Variants in ZBTB46 observed in about 807,000 individuals in gnomAD.
ZBTB46 encodes the protein zinc finger and BTB domain-containing protein 46.
In ZBTB46, 8 loss-of-function variants were observed where a neutral mutation model predicts 44.1. That is an observed-to-expected ratio of 0.18 (90% CI 0.11 to 0.33). ZBTB46 has a LOEUF of 0.33. Ranked by LOEUF, ZBTB46 falls within the 10% of genes least tolerant of loss-of-function variation. The pLI is 1.00. For synonymous variants in ZBTB46, 409 were observed against 382.3 expected (o/e 1.07, Z -0.81); for missense variants, 651 against 847.7 (o/e 0.77, Z 2.88).
intron 1 of ZBTB46, among the ~76,000 whole-genome samples, chr20:63,826,026 G>A (rs190017656): frequency 2.6e-5 from 4 of 152,342 alleles, no homozygotes; most frequent in African/African-American, 4.8e-5. Flanking sequence ...CCCTCTGCAC[G>A]TAGCCCAAGG....
Position 63,812,869 on chromosome 20 carries a change from G to C in ZBTB46, c.-34+18228C>G, listed in dbSNP as rs116856933. 7.0e-3 allele frequency among the ~76,000 whole-genome samples: 1,061 copies of C among 152,282 alleles called. 30 individuals carry two copies. Among genetic ancestry groups the C allele is most frequent in the Admixed American group, 0.054 (819 of 15,292 alleles). ...CCAATACTTTGAGAGGCCAAGGCAG[G>C]TGGATCATGAGGTCAAGACATTGAC... On this transcript the variant is annotated intron_variant, in intron 1 of 4. Transcript: ENST00000245663.
intron 1 of ZBTB46, among the ~76,000 whole-genome samples, chr20:63,801,491 C>A (rs2092644376): frequency 6.6e-6 from 1 of 152,276 alleles, no homozygotes; most frequent in African/African-American, 2.4e-5. Flanking sequence ...TAAGAGCAGG[C>A]TGCCCCAACC....
At chr20:63,782,901 A>C (rs2092482301) in intron 2 of ZBTB46, among the ~76,000 whole-genome samples, 1 of 152,148 alleles carries the variant, frequency 6.6e-6, no homozygotes, top group South Asian at 2.1e-4. Flanking sequence ...CAGGAGTTTG[A>C]GACTGGCCTG....
intron 1 of ZBTB46, chr20:63,808,010 C>T (rs1473865350): frequency 6.6e-6 from 1 of 152,374 alleles, no homozygotes; most frequent in Non-Finnish European, 1.5e-5. Context: ...CTCACGGAAG[C>T]TGAACGGACC....
intron 1 of ZBTB46, among the ~76,000 whole-genome samples, chr20:63,791,297 C>T (rs1601478947): frequency 6.6e-6 from 1 of 152,042 alleles, no homozygotes; most frequent in East Asian, 1.9e-4. Context: ...AGATCGAGAC[C>T]ATCCTGGCCA....
rs571697684 is a variant in ZBTB46, at chr20:63,782,081, C to T, written c.938-6119G>A. On this transcript the variant is annotated intron_variant, in intron 2 of 4. Transcript: ENST00000245663. Reference sequence around the variant, plus strand: ...AGGCCTGGGTGAAAGAGCAAGACTCCGTCTCAAAAAAAAAAAAAAGAAAAG... The same window carrying T: ...AGGCCTGGGTGAAAGAGCAAGACTCTGTCTCAAAAAAAAAAAAAAGAAAAG... Among the ~76,000 whole-genome samples the T allele has an allele frequency of 8.4e-5, 3 of 35,698 alleles. No homozygotes were observed. The East Asian group carries it at 2.6e-3, about 31-fold the overall frequency. The allele number at this position is 35,698 out of a possible 152,430, so 23.4% of individuals were successfully genotyped here. A position where few individuals can be genotyped will look rare whatever the true frequency, so the allele number is the denominator to read the frequency against.
intron 2 of ZBTB46, among the ~76,000 whole-genome samples, chr20:63,780,342 A>G (rs955829092): frequency 6.6e-6 from 1 of 152,214 alleles, no homozygotes; most frequent in African/African-American, 2.4e-5. Flanking sequence ...AGGTAACTCA[A>G]TGGATAAAAG....
chr20:63,781,821 C>T (rs1445123766), intron 2 of ZBTB46, among the ~76,000 whole-genome samples: 2 of 151,286 alleles, frequency 1.3e-5, no homozygotes, highest in Non-Finnish European at 2.9e-5. Flanking sequence ...CGCGGTGGCT[C>T]ACGCCTGTAA....
chr20:63,747,083 C>T lies in ZBTB46; in HGVS notation c.1617G>A (p.Glu539=). 6.2e-7 allele frequency: 1 copy of T among 1,609,366 alleles called. No individual in the cohort carries two copies. The highest frequency in any genetic ancestry group is 8.5e-7 in the Non-Finnish European group (1 of 1,179,524). The change falls in exon 5 of 5, where the codon GAG becomes GAA. Residue 539 remains glutamate (E), a synonymous_variant. Transcript: ENST00000245663. ...PGDGPYLEDP[E]DPRGEAEELG... is the part of the protein sequence containing the mutation. Reference sequence around the variant, plus strand: ...GCTCCTCCGCCTCCCCTCGTGGGTCCTCAGGGTCCTCCAGATAGGGCCCGT... The same window carrying T: ...GCTCCTCCGCCTCCCCTCGTGGGTCTTCAGGGTCCTCCAGATAGGGCCCGT...
chr20:63,764,600 T>TC (rs1491485791), intron 3 of ZBTB46, among the ~76,000 whole-genome samples: 1 of 132,438 alleles, frequency 7.6e-6, no homozygotes, highest in African/African-American at 3.2e-5. Flanking sequence ...AAGCATTTTT[T>TC]CTCTGTTTTT....
chr20:63,806,784 TTTTGG>T, intron 1 of ZBTB46, among the ~76,000 whole-genome samples: 1 of 149,348 alleles, frequency 6.7e-6, no homozygotes, highest in East Asian at 2.0e-4. Flanking sequence ...AATTGTTTTG[TTTTGG>T]TTTTTTTTTT....
intron 1 of ZBTB46, among the ~76,000 whole-genome samples, chr20:63,795,183 C>T (rs4809228): frequency 2.8e-4 from 42 of 152,346 alleles, no homozygotes; most frequent in Non-Finnish European, 4.9e-4. Context: ...TTATATATCA[C>T]GAATCTCAAG....
At chr20:63,749,382 G>C (rs190910351) in intron 4 of ZBTB46, among the ~76,000 whole-genome samples, 1 of 152,220 alleles carries the variant, frequency 6.6e-6, no homozygotes, top group Non-Finnish European at 1.5e-5. Context: ...TGTCACCCAG[G>C]CTGGAGTGTA....
At chr20:63,827,832 CTT>C (rs1295356303) in intron 1 of ZBTB46, among the ~76,000 whole-genome samples, 2 of 152,210 alleles carry the variant, frequency 1.3e-5, no homozygotes, top group Non-Finnish European at 2.9e-5. Context: ...CAACAGAACA[CTT>C]TGCATAAATC....
chr20:63,804,151 C>G (rs994288681), intron 1 of ZBTB46, among the ~76,000 whole-genome samples: 2 of 152,080 alleles, frequency 1.3e-5, no homozygotes, highest in Non-Finnish European at 2.9e-5. Flanking sequence ...GCTTCCACTC[C>G]CACCTCAGCA....
chr20:63,777,614 G>A (rs977834867), intron 2 of ZBTB46, among the ~76,000 whole-genome samples: 1 of 152,188 alleles, frequency 6.6e-6, no homozygotes, highest in African/African-American at 2.4e-5. Flanking sequence ...GAATCACCAC[G>A]GGGCCCAGCA....
In ZBTB46 at chr20:63,831,175, A is replaced by AGGGCGCTGCGTCCGGGC. The variant is rs2092849336; in HGVS notation, c.-129_-113dup. On this transcript the variant is annotated 5_prime_UTR_variant, in exon 1 of 5. Coordinates refer to ENST00000245663, the MANE Select transcript of ZBTB46 (RefSeq NM_001369741.1). Reference sequence around the variant, plus strand: ...GCCGGTGATCGCCGCCGCCGCCGGGAGGGCGCTGCGTCCGGGCGGGTCCGA... The same window carrying AGGGCGCTGCGTCCGGGC: ...GCCGGTGATCGCCGCCGCCGCCGGGAGGGCGCTGCGTCCGGGCGGGCGCTGCGTCCGGGCGGGTCCGA... 7.2e-6 allele frequency: 1 copy of AGGGCGCTGCGTCCGGGC among 138,994 alleles called. No homozygotes were observed. Among genetic ancestry groups the AGGGCGCTGCGTCCGGGC allele is most frequent in the Non-Finnish European group, 1.6e-5 (1 of 63,752 alleles). The allele number at this position is 138,994 out of a possible 1,614,324, so 8.6% of individuals were successfully genotyped here.
At chr20:63,773,626 C>A (rs910674121) in intron 3 of ZBTB46, among the ~76,000 whole-genome samples, 1 of 151,950 alleles carries the variant, frequency 6.6e-6, no homozygotes, top group Non-Finnish European at 1.5e-5. Flanking sequence ...GCCTGGGATC[C>A]CCCTCCGACG....
At chr20:63,812,127 TAAAA>T (rs957442521) in intron 1 of ZBTB46, among the ~76,000 whole-genome samples, 1 of 151,712 alleles carries the variant, frequency 6.6e-6, no homozygotes, top group Non-Finnish European at 1.5e-5. Context: ...TTTTCCTACA[TAAAA>T]AAAAGAGAAG....
Sources: gnomAD v4.1 joint callset for allele counts (sites outside exome capture counted in the v4.1 genomes callset) on GRCh38, gnomAD v4.1.1 for gene constraint, MANE v1.5 for transcripts, NCBI Gene and HGNC (gene_info 2026-07-23, HGNC 2026-07-21) for gene names.